The following CDIP1 variants were observed in gnomAD, a reference collection of about 807,000 sequenced individuals.
CDIP1 encodes the protein cell death-inducing p53-target protein 1.
In CDIP1, 9 loss-of-function variants were observed where a neutral mutation model predicts 17.7. The ratio of observed to expected loss-of-function variants is 0.51; its 90% CI spans 0.31 to 0.89. CDIP1 has a LOEUF of 0.89. Ranked by LOEUF, CDIP1 falls within the 40% of genes least tolerant of loss-of-function variation. CDIP1 has a pLI of 0.05. For missense variants in CDIP1, 263 were observed against 277.9 expected, an observed-to-expected ratio of 0.95 and a Z score of 0.38; for synonymous variants, 117 against 109.5, an observed-to-expected ratio of 1.07 and a Z score of -0.43.
chr16:4,525,592 C>T (rs2058991612), intron 1 of CDIP1, among the ~76,000 whole-genome samples: 1 of 152,238 alleles, frequency 6.6e-6, no homozygotes, highest in South Asian at 2.1e-4. Flanking sequence ...GCTAATCCAG[C>T]CACCCAAGTC....
intron 1 of CDIP1, among the ~76,000 whole-genome samples, chr16:4,519,837 G>A (rs143552129): frequency 2.0e-5 from 3 of 151,828 alleles, no homozygotes; most frequent in Non-Finnish European, 2.9e-5. Flanking sequence ...GAGACCCCCC[G>A]TGCCTTCCAC....
rs932869755 is a variant in CDIP1, at chr16:4,513,252, A to G, written c.242-188T>C. Among the ~76,000 whole-genome samples, 1 of 152,142 alleles carries G rather than the reference A, an allele frequency of 6.6e-6. No individual in the cohort carries two copies. Among genetic ancestry groups the G allele is most frequent in the African/African-American group, 2.4e-5 (1 of 41,434 alleles). ...GGGGCCCTAAGTCAAGTGGGGCCAC[A>G]TTCTCCCAGCCCTTCCTGGTCCCCA... is the stretch of plus-strand genomic sequence containing the variant. On this transcript the variant is annotated intron_variant, in intron 4 of 5. Coordinates refer to ENST00000567695, the MANE Select transcript of CDIP1 (RefSeq NM_013399.3). The surrounding 1 kb of genome is among the most constrained non-coding windows in gnomAD (Gnocchi z 4.1).
chr16:4,530,350 T>C (rs2059042462), intron 1 of CDIP1, among the ~76,000 whole-genome samples: 1 of 152,186 alleles, frequency 6.6e-6, no homozygotes, highest in Admixed American at 6.5e-5. Context: ...TACACTGCAT[T>C]ATATGAAACA....
At chr16:4,522,334 G>T (rs1015978432) in intron 1 of CDIP1, 11 of 152,284 alleles carry the variant, frequency 7.2e-5, no homozygotes, top group African/African-American at 2.7e-4. Flanking sequence ...CACCCTGGTG[G>T]CAGGGGCTCT....
intron 1 of CDIP1, among the ~76,000 whole-genome samples, chr16:4,526,426 C>G (rs1836070839): frequency 1.3e-5 from 2 of 151,386 alleles, no homozygotes; most frequent in Non-Finnish European, 2.9e-5. Flanking sequence ...AATAGCTGGT[C>G]ACGGTGGCTC....
At chr16:4,518,962 G>C (rs1463939142) in intron 1 of CDIP1, among the ~76,000 whole-genome samples, 1 of 152,212 alleles carries the variant, frequency 6.6e-6, no homozygotes, top group Non-Finnish European at 1.5e-5. Context: ...GGGGAGACTT[G>C]CGGGGTCTGG....
At chr16:4,523,598 C>G (rs988211807) in intron 1 of CDIP1, among the ~76,000 whole-genome samples, 7 of 152,142 alleles carry the variant, frequency 4.6e-5, no homozygotes, top group African/African-American at 1.2e-4. Flanking sequence ...TCACCCCCCT[C>G]GCCAAAAAAC....
chr16:4,513,699 G>C lies in CDIP1; in HGVS notation c.238C>G (p.Pro80Ala), dbSNP rs749138590. The C allele has an allele frequency of 6.2e-7, 1 of 1,613,320 alleles. No individual in the cohort carries two copies. Among genetic ancestry groups the C allele is most frequent in the Non-Finnish European group, 8.5e-7 (1 of 1,179,592 alleles). Residue 80 changes from proline to alanine, a missense_variant, in exon 4 of 6, where the codon CCG (proline) becomes GCG (alanine). By Grantham distance (27) the Pro-to-Ala change is conservative. Coordinates refer to ENST00000567695, the MANE Select transcript of CDIP1 (RefSeq NM_013399.3). This position sits in a 1 kb window ranked among gnomAD's most constrained non-coding sequence, Gnocchi z 4.1. The part of the protein sequence containing the change: ...HMSADGTYMP[P>A]GFYPPPGPHP... ...CTCAGATCCCTTCCCCACTCACCCG[G>C]AGGCATGTAGGTGCCATCTGCACTC... is the stretch of plus-strand genomic sequence containing the variant.
At chr16:4,535,173 G>C (rs929520325) in intron 1 of CDIP1, among the ~76,000 whole-genome samples, 2 of 152,068 alleles carry the variant, frequency 1.3e-5, no homozygotes, top group African/African-American at 4.8e-5. Flanking sequence ...GAAAAACCCA[G>C]ACACTGGGAC....
intron 1 of CDIP1, among the ~76,000 whole-genome samples, chr16:4,526,681 C>T (rs1007725903): frequency 2.1e-5 from 3 of 146,184 alleles, no homozygotes; most frequent in African/African-American, 7.6e-5. Flanking sequence ...GCCTGGGCAA[C>T]AGAGTGAGAC....
At chr16:4,530,431 C>G (rs1266690810) in intron 1 of CDIP1, among the ~76,000 whole-genome samples, 1 of 152,152 alleles carries the variant, frequency 6.6e-6, no homozygotes. Context: ...AGTCGGATCA[C>G]TTGAGGTCGG....
intron 1 of CDIP1, among the ~76,000 whole-genome samples, chr16:4,534,627 G>A (rs756088424): frequency 9.9e-5 from 15 of 151,954 alleles, no homozygotes; most frequent in African/African-American, 3.4e-4. Context: ...TTCATAGGGC[G>A]GTACACTGCA....
chr16:4,524,296 C>T (rs566151265), intron 1 of CDIP1: 2 of 152,404 alleles, frequency 1.3e-5, no homozygotes, highest in East Asian at 1.9e-4. Context: ...TGCTCCTCCA[C>T]ATCACACTGC....
At chr16:4,522,913 G>A (rs566283727) in intron 1 of CDIP1, among the ~76,000 whole-genome samples, 1 of 152,308 alleles carries the variant, frequency 6.6e-6, no homozygotes, top group Admixed American at 6.5e-5. Flanking sequence ...ACACACAGAC[G>A]GATTAGTTCA....
Position 4,512,166 on chromosome 16 carries a change from G to C in CDIP1, c.*406C>G, listed in dbSNP as rs2141624790. 4.9e-6 allele frequency: 1 copy of C among 203,776 alleles called. No homozygotes were observed. The highest frequency in any genetic ancestry group is 1.0e-5 in the Non-Finnish European group (1 of 98,048). 12.6% of individuals were successfully genotyped at this position (203,776 alleles called of 1,614,324 possible). On this transcript the variant is annotated 3_prime_UTR_variant, in exon 6 of 6. Transcript: ENST00000567695. The surrounding 1 kb of genome is among the most constrained non-coding windows in gnomAD (Gnocchi z 4.6). ...GGCCCAGCAGGTCAGAAACGCCTGT[G>C]GCCACAGGCCTGGGGACTAACTGGC...
In CDIP1 at chr16:4,513,571, G is replaced by A; in HGVS notation, c.241+125C>T. On this transcript the variant is annotated intron_variant, in intron 4 of 5. Coordinates refer to ENST00000567695, the MANE Select transcript of CDIP1 (RefSeq NM_013399.3). The surrounding 1 kb of genome is among the most constrained non-coding windows in gnomAD (Gnocchi z 4.1). ...ACACACAGCCTGAGCCCTAGGCAAG[G>A]GCTGGTTGGGCGTGTTGGAGTCCCT... is the stretch of plus-strand genomic sequence containing the variant. The A allele has an allele frequency of 2.5e-6, 2 of 801,278 alleles. No individual in the cohort carries two copies. Among genetic ancestry groups the A allele is most frequent in the East Asian group, 2.6e-5 (1 of 39,038 alleles). 49.6% of individuals were successfully genotyped at this position (801,278 alleles called of 1,614,324 possible).
intron 1 of CDIP1, among the ~76,000 whole-genome samples, chr16:4,522,796 G>A (rs1426897000): frequency 6.6e-6 from 1 of 152,210 alleles, no homozygotes; most frequent in African/African-American, 2.4e-5. Flanking sequence ...CAGGGCAGCG[G>A]GAAAAGGAGA....
At chr16:4,527,817 TTTTG>T (rs1161693009) in intron 1 of CDIP1, among the ~76,000 whole-genome samples, 6 of 152,088 alleles carry the variant, frequency 3.9e-5, no homozygotes, top group African/African-American at 1.4e-4. Flanking sequence ...AATGATATAG[TTTTG>T]TTTTTGTTTT....
At chr16:4,519,384 G>C (rs2058921215) in intron 1 of CDIP1, among the ~76,000 whole-genome samples, 1 of 152,308 alleles carries the variant, frequency 6.6e-6, no homozygotes, top group East Asian at 1.9e-4. Context: ...ACAGGTTGAG[G>C]GCTCAGTTCC....
Sources: gnomAD v4.1 joint callset for allele counts (sites outside exome capture counted in the v4.1 genomes callset) on GRCh38, gnomAD v4.1.1 for gene constraint, Gnocchi (gnomAD v3.1) non-coding constraint, MANE v1.5 for transcripts, NCBI Gene and HGNC (gene_info 2026-07-23, HGNC 2026-07-21) for gene names.